The following ZDHHC6 variants were observed in gnomAD, a reference collection of about 807,000 sequenced individuals.
ZDHHC6 encodes the protein zDHHC palmitoyltransferase 6, also known as palmitoyltransferase ZDHHC6.
A neutral mutation model predicts 57.8 loss-of-function variants in ZDHHC6; 32 were observed. The observed-to-expected ratio is 0.55, with a 90% confidence interval of 0.42 to 0.74. ZDHHC6 has a LOEUF of 0.74. Ranked by LOEUF, ZDHHC6 falls within the 30% of genes least tolerant of loss-of-function variation. ZDHHC6 has a pLI of 0.00. For missense variants in ZDHHC6, 433 were observed against 500.7 expected (o/e 0.86, Z 1.29); for synonymous variants, 128 against 158.0 (o/e 0.81, Z 1.42).
intron 10 of ZDHHC6, 107 bp downstream of exon 10, chr10:112,432,133 G>T: frequency 9.4e-7 from 1 of 1,060,360 alleles, no homozygotes; most frequent in Non-Finnish European, 1.4e-6. Context: ...CTTCTATGCA[G>T]TTCCCCTAAT....
At chr10:112,432,113 G>A in intron 10 of ZDHHC6, 127 bp downstream of exon 10, 1 of 870,176 alleles carries the variant, frequency 1.1e-6, no homozygotes, top group Non-Finnish European at 1.7e-6. Context: ...TTGTTGCTTA[G>A]TGATATACCC....
chr10:112,434,614 C>T (rs2097942089), intron 6 of ZDHHC6, 150 bp from the exon 7 acceptor site: 1 of 725,770 alleles, frequency 1.4e-6, no homozygotes, highest in Admixed American at 3.4e-5. Context: ...AAGCAATAGA[C>T]AACTTCATCA....
intron 5 of ZDHHC6, among the ~76,000 whole-genome samples, chr10:112,439,681 A>G (rs1015662914): frequency 7.2e-6 from 1 of 139,408 alleles, no homozygotes; most frequent in Non-Finnish European, 1.5e-5. Flanking sequence ...AATGAAAAAG[A>G]ATGGTTTTTG....
intron 8 of ZDHHC6, 106 bp downstream of exon 8, chr10:112,433,134 A>T: frequency 2.2e-6 from 2 of 895,036 alleles, no homozygotes; most frequent in Non-Finnish European, 3.2e-6. Context: ...AATACTATTT[A>T]ATAAAGGCCA....
Position 112,445,526 on chromosome 10 carries a change from T to TGTTC in ZDHHC6, c.-94_-91dup. ...TTTCCATGTGCCACAAGTCCATGTG[T>TGTTC]GTTCTTTAATTGTCATGCCTTCAAG... On this transcript the variant is annotated 5_prime_UTR_variant, in exon 2 of 11. The change abolishes the stop of an existing upstream ORF in the 5' untranslated region. Coordinates refer to ENST00000369405, the MANE Select transcript of ZDHHC6 (RefSeq NM_022494.3). 2 of 1,434,578 alleles carry TGTTC rather than the reference T, an allele frequency of 1.4e-6. No homozygotes were observed. The highest frequency in any genetic ancestry group is 1.9e-6 in the Non-Finnish European group (2 of 1,062,700). 88.9% of individuals were successfully genotyped at this position (1,434,578 alleles called of 1,614,324 possible). A position where few individuals can be genotyped will look rare whatever the true frequency, so the allele number is the denominator to read the frequency against.
At chr10:112,440,789 T>C in intron 4 of ZDHHC6, 94 bp from the exon 5 acceptor site, 3 of 1,261,270 alleles carry the variant, frequency 2.4e-6, no homozygotes, top group Admixed American at 2.4e-5. Flanking sequence ...ATCAAAGAGA[T>C]AACAACGTGG....
At chr10:112,437,894 A>G (rs1043543991) in intron 6 of ZDHHC6, among the ~76,000 whole-genome samples, 5 of 152,222 alleles carry the variant, frequency 3.3e-5, no homozygotes, top group African/African-American at 9.6e-5. Flanking sequence ...TGCTAGAATC[A>G]CAATGGACAG....
At chr10:112,433,342 C>G in intron 7 of ZDHHC6, 61 bp from the exon 8 acceptor site, 1 of 1,367,858 alleles carries the variant, frequency 7.3e-7, no homozygotes, top group Non-Finnish European at 9.8e-7. Context: ...GAAAAATCGC[C>G]TTTCCTCATC....
chr10:112,443,627 A>G, intron 2 of ZDHHC6, 21 bp from the exon 3 acceptor site: 1 of 1,581,544 alleles, frequency 6.3e-7, no homozygotes, highest in Non-Finnish European at 8.7e-7. Flanking sequence ...AAACAGAAAC[A>G]AAAATGCATC....
Position 112,432,389 on chromosome 10 carries a change from T to A in ZDHHC6, c.1078A>T (p.Thr360Ser). Residue 360 changes from threonine to serine, a missense_variant, in exon 9 of 11, where the codon ACA becomes TCA. Coordinates refer to ENST00000369405, the MANE Select transcript of ZDHHC6 (RefSeq NM_022494.3). ...QLQKGEFILATRGLRYWLYGD... is the reference protein window; with the variant it reads ...QLQKGEFILASRGLRYWLYGD... ...CCTATTACTTACCGTAAACCTCTTG[T>A]GGCTAAAATGAATTCCCCTTTTTGC... 1 of 1,614,184 alleles carries A rather than the reference T, an allele frequency of 6.2e-7. No individual in the cohort carries two copies. The highest frequency in any genetic ancestry group is 8.5e-7 in the Non-Finnish European group (1 of 1,180,020).
Position 112,432,441 on chromosome 10 carries a change from G to C in ZDHHC6, c.1026C>G (p.Pro342=). 1 of 1,614,166 alleles carries C rather than the reference G, an allele frequency of 6.2e-7. No individual in the cohort carries two copies. The highest frequency in any genetic ancestry group is 8.5e-7 in the Non-Finnish European group (1 of 1,180,030). Residue 342 remains proline (P), a synonymous_variant, in exon 9 of 11, where the codon CCC becomes CCG. Coordinates refer to ENST00000369405, the MANE Select transcript of ZDHHC6 (RefSeq NM_022494.3). ...NKGIKTFFTS[P]CTEEPRIQLQ... The stretch of plus-strand genomic sequence containing the variant: ...GCTGTATTCGAGGCTCTTCGGTGCA[G>C]GGACTTGTGAAGAAGGTTTTGATTC...
Position 112,445,540 on chromosome 10 carries a change from C to G in ZDHHC6, c.-104G>C, listed in dbSNP as rs1245276932. On this transcript the variant is annotated 5_prime_UTR_variant, in exon 2 of 11. It removes an upstream start codon present in the reference 5' UTR. Coordinates refer to ENST00000369405, the MANE Select transcript of ZDHHC6 (RefSeq NM_022494.3). The stretch of plus-strand genomic sequence containing the variant: ...AAGTCCATGTGTGTTCTTTAATTGT[C>G]ATGCCTTCAAGCTGTGAACTGTTAA... The G allele has an allele frequency of 2.2e-6, 3 of 1,338,288 alleles. No individual in the cohort carries two copies. The highest frequency in any genetic ancestry group is 3.0e-6 in the Non-Finnish European group (3 of 985,542). The allele number at this position is 1,338,288 out of a possible 1,614,324, so 82.9% of individuals were successfully genotyped here.
Position 112,430,859 on chromosome 10 carries a change from C to A in ZDHHC6, c.1187G>T (p.Cys396Phe). The change falls in exon 11 of 11, where the codon TGT (cysteine) becomes TTT (phenylalanine). Residue 396 changes from cysteine to phenylalanine, a missense_variant. Physicochemically the swap from Cys to Phe is radical, Grantham distance 205. Coordinates refer to ENST00000369405, the MANE Select transcript of ZDHHC6 (RefSeq NM_022494.3). ...GWFPRKCVEKCPCDAETDQAP... is the reference protein window; with the variant it reads ...GWFPRKCVEKFPCDAETDQAP... ...TTGATCTGTTTCAGCATCACAGGGACACTTTTCCACACATTTTCTAGGGAA... is the reference window on the plus strand; with the variant it reads ...TTGATCTGTTTCAGCATCACAGGGAAACTTTTCCACACATTTTCTAGGGAA... The A allele has an allele frequency of 6.2e-7, 1 of 1,613,958 alleles. No homozygotes were observed. Among genetic ancestry groups the A allele is most frequent in the Non-Finnish European group, 8.5e-7 (1 of 1,179,914 alleles).
chr10:112,429,413 C>T (rs1214665306), downstream of ZDHHC6, among the ~76,000 whole-genome samples: 5 of 152,164 alleles, frequency 3.3e-5, no homozygotes, highest in African/African-American at 1.2e-4. Context: ...GCTTCAAATG[C>T]CAACTCAAGA....
At chr10:112,431,125 C>T (rs1412413099) in intron 10 of ZDHHC6, among the ~76,000 whole-genome samples, 3 of 152,058 alleles carry the variant, frequency 2.0e-5, no homozygotes, top group South Asian at 2.1e-4. Flanking sequence ...TTGATGATCC[C>T]GAATAGGGAC....
chr10:112,431,451 T>C (rs1303375851), intron 10 of ZDHHC6, among the ~76,000 whole-genome samples: 1 of 152,056 alleles, frequency 6.6e-6, no homozygotes, highest in Non-Finnish European at 1.5e-5. Flanking sequence ...GCAGCTGGGA[T>C]TACAGGCACA....
chr10:112,442,053 T>C, intron 4 of ZDHHC6, 139 bp downstream of exon 4: 1 of 1,006,830 alleles, frequency 9.9e-7, no homozygotes, highest in Non-Finnish European at 1.4e-6. Context: ...AAGGAACCCA[T>C]ATACCAGTAA....
downstream of ZDHHC6, chr10:112,426,243 A>G (rs770140469): frequency 1.9e-6 from 3 of 1,608,732 alleles, no homozygotes; most frequent in Admixed American, 1.7e-5. Context: ...TGCACCTTTT[A>G]TTTCCTTTCC....
chr10:112,428,553 T>G, downstream of ZDHHC6: 1 of 391,842 alleles, frequency 2.6e-6, no homozygotes, highest in East Asian at 3.6e-5. Context: ...GGACGGATCA[T>G]GAGGTCAGGA....
Sources: gnomAD v4.1 joint callset for allele counts (sites outside exome capture counted in the v4.1 genomes callset) on GRCh38, gnomAD v4.1.1 for gene constraint, MANE v1.5 for transcripts, NCBI Gene and HGNC (gene_info 2026-07-23, HGNC 2026-07-21) for gene names.